AMPH: variants seen among roughly 807,000 people sequenced by gnomAD.
AMPH encodes amphiphysin.
A neutral mutation model predicts 99.1 loss-of-function variants in AMPH; 49 were observed. That is an observed-to-expected ratio of 0.49 (90% CI 0.39 to 0.63). The LOEUF is 0.63. Among genes scored for constraint, AMPH ranks in the 20% least tolerant of loss-of-function variants. The probability of loss-of-function intolerance (pLI) is 0.00; values close to 1 mark genes in which losing one functional copy is unlikely to be tolerated. For missense variants in AMPH, 759 were observed against 863.4 expected, an observed-to-expected ratio of 0.88 and a Z score of 1.52; for synonymous variants, 314 against 317.3, an observed-to-expected ratio of 0.99 and a Z score of 0.11.
intron 1 of AMPH, among the ~76,000 whole-genome samples, chr7:38,552,441 C>T (rs1791211098): frequency 6.6e-6 from 1 of 152,156 alleles, no homozygotes; most frequent in African/African-American, 2.4e-5. Flanking sequence ...ATTTAATACC[C>T]AATTTATACA....
At chr7:38,604,003 T>A (rs541519165) in intron 1 of AMPH, among the ~76,000 whole-genome samples, 1 of 152,242 alleles carries the variant, frequency 6.6e-6, no homozygotes, top group Non-Finnish European at 1.5e-5. Context: ...TTAGGTTACA[T>A]GTCAGAAATA....
Position 38,429,815 on chromosome 7 carries a change from T to C in AMPH, c.1182+27A>G, listed in dbSNP as rs181001638. ...TAATGCATATCAAATACCAAAAAAA[T>C]CCAGAATGATCTGGATATTTACCTA... On this transcript the variant is annotated intron_variant, in intron 14 of 20. Transcript: ENST00000356264. The C allele has an allele frequency of 7.5e-5, 120 of 1,598,754 alleles. No homozygotes were observed. The Admixed American group carries it at 2.1e-3, about 28-fold the overall frequency.
Position 38,601,279 on chromosome 7 carries a change from T to A in AMPH, c.69+30004A>T, listed in dbSNP as rs564093686. ...TCCCGAGAATTCACTCTGATACTAA[T>A]TGGAAGCCCTCATTCCCAAGAAGCA... On this transcript the variant is annotated intron_variant, in intron 1 of 20. Transcript: ENST00000356264. Among the ~76,000 whole-genome samples the A allele has an allele frequency of 2.9e-4, 44 of 152,344 alleles. 1 individual carries two copies. The South Asian group carries it at 8.5e-3, about 29-fold the overall frequency.
chr7:38,520,881 C>G (rs1195118593), intron 2 of AMPH, among the ~76,000 whole-genome samples: 1 of 152,174 alleles, frequency 6.6e-6, no homozygotes, highest in Admixed American at 6.5e-5. Flanking sequence ...ATTCACTGCA[C>G]CAACTTCCTT....
chr7:38,559,443 G>T (rs1394684380), intron 1 of AMPH, among the ~76,000 whole-genome samples: 1 of 152,230 alleles, frequency 6.6e-6, no homozygotes, highest in Non-Finnish European at 1.5e-5. Flanking sequence ...GGAATGGGGA[G>T]CCAGGGATCC....
chr7:38,557,710 C>G, intron 1 of AMPH, among the ~76,000 whole-genome samples: 1 of 152,020 alleles, frequency 6.6e-6, no homozygotes, highest in Non-Finnish European at 1.5e-5. Flanking sequence ...CGGCTGTGAA[C>G]AAGACAAAGG....
chr7:38,467,158 T>C lies in AMPH; in HGVS notation c.591-910A>G, dbSNP rs970013166. ...CCCCCAGGAAGATCAGACCAGAGCC[T>C]GGGAGAGGAAAGCCTAGTGAGGAAG... On this transcript the variant is annotated intron_variant, in intron 7 of 20. Coordinates refer to ENST00000356264, the MANE Select transcript of AMPH (RefSeq NM_001635.4). Among the ~76,000 whole-genome samples the C allele has an allele frequency of 6.6e-5, 10 of 152,132 alleles. 1 individual carries two copies. Among genetic ancestry groups the C allele is most frequent in the African/African-American group, 2.4e-4 (10 of 41,422 alleles).
intron 17 of AMPH, among the ~76,000 whole-genome samples, chr7:38,402,135 T>C (rs769116386): frequency 6.6e-5 from 10 of 152,208 alleles, no homozygotes; most frequent in Admixed American, 2.0e-4. Context: ...TCTTTTCTCA[T>C]GTTATTGAGT....
intron 2 of AMPH, among the ~76,000 whole-genome samples, chr7:38,519,513 T>A (rs1224339436): frequency 6.6e-6 from 1 of 152,222 alleles, no homozygotes; most frequent in South Asian, 2.1e-4. Context: ...AAAAATATTT[T>A]AAAATTGTAC....
intron 2 of AMPH, among the ~76,000 whole-genome samples, chr7:38,522,745 T>C (rs1790016040): frequency 6.6e-6 from 1 of 152,012 alleles, no homozygotes; most frequent in Non-Finnish European, 1.5e-5. Context: ...ACTGCACAAA[T>C]AAATATACGT....
At chr7:38,507,113 G>A (rs1414815003) in intron 2 of AMPH, among the ~76,000 whole-genome samples, 1 of 152,172 alleles carries the variant, frequency 6.6e-6, no homozygotes, top group African/African-American at 2.4e-5. Context: ...TTAACTAATT[G>A]CCTTTTCCTT....
chr7:38,417,776 T>C, intron 17 of AMPH, 49 bp downstream of exon 17: 3 of 1,606,328 alleles, frequency 1.9e-6, no homozygotes, highest in African/African-American at 1.3e-5. Flanking sequence ...GAGATGAGCA[T>C]GGCTGTGGCA....
intron 11 of AMPH, among the ~76,000 whole-genome samples, chr7:38,437,735 C>T (rs181015805): frequency 2.5e-4 from 38 of 151,526 alleles, no homozygotes; most frequent in Non-Finnish European, 2.5e-4. Flanking sequence ...ACCTGGGAGA[C>T]GAAGGTTGCA....
intron 12 of AMPH, among the ~76,000 whole-genome samples, chr7:38,435,440 T>G (rs1786223925): frequency 6.6e-6 from 1 of 152,222 alleles, no homozygotes; most frequent in Non-Finnish European, 1.5e-5. Context: ...CTAATTCATT[T>G]GAAGCATACT....
chr7:38,412,359 T>C (rs1310957263), intron 17 of AMPH, among the ~76,000 whole-genome samples: 2 of 152,210 alleles, frequency 1.3e-5, no homozygotes, highest in Non-Finnish European at 2.9e-5. Flanking sequence ...CATGTTCACA[T>C]AGATTTATAA....
intron 1 of AMPH, among the ~76,000 whole-genome samples, chr7:38,550,917 G>A (rs62444217): frequency 0.22 from 33,977 of 151,988 alleles, 4,758 homozygotes; most frequent in Non-Finnish European, 0.31. Flanking sequence ...CATTTTTGTC[G>A]TAAAAATGTG....
intron 17 of AMPH, among the ~76,000 whole-genome samples, chr7:38,416,337 CCACATTTCCAATCTATTG>C (rs918876638): frequency 2.6e-5 from 4 of 152,022 alleles, no homozygotes; most frequent in East Asian, 1.9e-4. Context: ...CTTGTCTATT[CCACATTTCCAATCTATTG>C]CACAACATCC....
intron 17 of AMPH, among the ~76,000 whole-genome samples, chr7:38,394,548 G>A (rs1784609146): frequency 6.6e-6 from 1 of 152,146 alleles, no homozygotes; most frequent in Non-Finnish European, 1.5e-5. Context: ...ATTTTTATTG[G>A]CTGGAAGCAA....
chr7:38,608,671 T>C (rs968426056), intron 1 of AMPH, among the ~76,000 whole-genome samples: 2 of 152,064 alleles, frequency 1.3e-5, no homozygotes, highest in Admixed American at 6.6e-5. Context: ...AATACTGACA[T>C]CAAACAGGAG....
Sources: allele counts gnomAD v4.1 joint callset (sites outside exome capture counted in the v4.1 genomes callset), GRCh38; gene constraint gnomAD v4.1.1; transcripts MANE v1.5; gene names NCBI Gene and HGNC (gene_info 2026-07-23, HGNC 2026-07-21).